HPGDS: variants seen among roughly 807,000 people sequenced by gnomAD.
HPGDS encodes the protein GST class-sigma.
In HPGDS, 26 loss-of-function variants were observed where a neutral mutation model predicts 23.1. That is an observed-to-expected ratio of 1.13 (90% confidence interval 0.83 to 1.56). HPGDS has a LOEUF of 1.56. Ranked by LOEUF, HPGDS falls within the 40% of genes most tolerant of loss-of-function variation. HPGDS has a pLI of 0.00. For missense variants in HPGDS, 268 were observed against 236.4 expected (o/e 1.13, Z -0.88); for synonymous variants, 95 against 77.9 (o/e 1.22, Z -1.16).
intron 3 of HPGDS, among the ~76,000 whole-genome samples, chr4:94,314,624 T>C (rs901416846): frequency 6.6e-6 from 1 of 152,162 alleles, no homozygotes; most frequent in Non-Finnish European, 1.5e-5. Context: ...CATTCTCAGA[T>C]CTCAAGCTGC....
At chr4:94,322,447 A>G (rs971281983) in intron 2 of HPGDS, among the ~76,000 whole-genome samples, 2 of 152,032 alleles carry the variant, frequency 1.3e-5, no homozygotes, top group Non-Finnish European at 1.5e-5. Context: ...AGATCCTGTT[A>G]TTGGTCTATT....
chr4:94,318,874 A>G (rs1231147572), intron 2 of HPGDS, among the ~76,000 whole-genome samples: 3 of 152,054 alleles, frequency 2.0e-5, no homozygotes, highest in Non-Finnish European at 2.9e-5. Context: ...CACCACACCC[A>G]GATAAGTTTT....
intron 2 of HPGDS, among the ~76,000 whole-genome samples, chr4:94,320,395 C>G (rs891160830): frequency 1.3e-5 from 2 of 152,130 alleles, no homozygotes; most frequent in Non-Finnish European, 1.5e-5. Context: ...AAAAGTGTTC[C>G]TATTTCTCCA....
chr4:94,313,463 G>A (rs540492956), intron 3 of HPGDS, among the ~76,000 whole-genome samples: 137 of 152,222 alleles, frequency 9.0e-4, no homozygotes, highest in African/African-American at 3.0e-3. Context: ...TTGAATATTG[G>A]CCCCCACTCT....
intron 2 of HPGDS, chr4:94,334,265 C>T (rs1756784777): frequency 2.8e-6 from 1 of 360,208 alleles, no homozygotes; most frequent in Non-Finnish European, 4.9e-6. Context: ...CTCATATTGT[C>T]TGCTAAAGCT....
chr4:94,303,927 G>A lies in HPGDS; in HGVS notation c.337-1683C>T, dbSNP rs1460714123. On this transcript the variant is annotated intron_variant, in intron 4 of 5. Transcript: ENST00000295256. The stretch of plus-strand genomic sequence containing the variant: ...GTTTGGTGAATTATTTCAGTCTAAT[G>A]AAATGTAAATTAATAAACAGTGTAA... 3 of 152,176 alleles carry A rather than the reference G, an allele frequency of 2.0e-5. No individual in the cohort carries two copies. In the South Asian group the frequency reaches 6.2e-4, roughly 32 times the overall value. 9.4% of individuals were successfully genotyped at this position (152,176 alleles called of 1,614,324 possible).
chr4:94,325,518 G>A lies in HPGDS; in HGVS notation c.134-7553C>T, dbSNP rs532830740. Among the ~76,000 whole-genome samples the A allele has an allele frequency of 5.3e-4, 80 of 152,248 alleles. 1 individual carries two copies. Among genetic ancestry groups the A allele is most frequent in the South Asian group, 4.4e-3 (21 of 4,820 alleles). On this transcript the variant is annotated intron_variant, in intron 2 of 5. Coordinates refer to ENST00000295256, the MANE Select transcript of HPGDS (RefSeq NM_014485.3). ...ACACCCCTCCCCCAGCTAGGCTGCCGCCTTGCAGTTCGATCTCAAACTGCT... is the reference window on the plus strand; with the variant it reads ...ACACCCCTCCCCCAGCTAGGCTGCCACCTTGCAGTTCGATCTCAAACTGCT...
In HPGDS at chr4:94,298,926, AG is replaced by A. The variant is rs1755977839; in HGVS notation, c.*553del. ...TTGATTCATTTTTGTAAAATGTCAA[AG>A]GGATTTATCACTGGGCCACAAGCAG... On this transcript the variant is annotated 3_prime_UTR_variant, in exon 6 of 6. Transcript: ENST00000295256. The A allele has an allele frequency of 6.6e-6, 1 of 152,160 alleles. No individual in the cohort carries two copies. Among genetic ancestry groups the A allele is most frequent in the African/African-American group, 2.4e-5 (1 of 41,428 alleles). 9.4% of individuals were successfully genotyped at this position (152,160 alleles called of 1,614,324 possible).
chr4:94,312,810 C>T (rs1226173595), intron 3 of HPGDS, among the ~76,000 whole-genome samples: 1 of 152,148 alleles, frequency 6.6e-6, no homozygotes, highest in African/African-American at 2.4e-5. Context: ...GTTTATGAAA[C>T]TGGGTGCTCC....
chr4:94,320,284 G>A (rs1472989019), intron 2 of HPGDS, among the ~76,000 whole-genome samples: 1 of 152,100 alleles, frequency 6.6e-6, no homozygotes, highest in African/African-American at 2.4e-5. Flanking sequence ...CCCAGTAATG[G>A]GATCACTGGG....
chr4:94,321,941 A>T (rs544385255), intron 2 of HPGDS, among the ~76,000 whole-genome samples: 33 of 152,290 alleles, frequency 2.2e-4, no homozygotes, highest in African/African-American at 6.3e-4. Context: ...ACATCCCATC[A>T]ATACCTAATT....
intron 5 of HPGDS, among the ~76,000 whole-genome samples, chr4:94,301,526 G>T (rs543856379): frequency 6.6e-6 from 1 of 152,194 alleles, no homozygotes; most frequent in East Asian, 1.9e-4. Flanking sequence ...AAATACATAT[G>T]AGTTTATACT....
At chr4:94,334,728 C>A in intron 1 of HPGDS, 90 bp from the exon 2 acceptor site, 1 of 1,195,772 alleles carries the variant, frequency 8.4e-7, no homozygotes. Flanking sequence ...AACTTTATGG[C>A]ATCTCTTGAG....
chr4:94,337,006 C>A (rs1371643495), intron 1 of HPGDS, among the ~76,000 whole-genome samples: 1 of 152,126 alleles, frequency 6.6e-6, no homozygotes. Flanking sequence ...ACTCTGTCCC[C>A]CAGTCTGGAG....
rs1363212319 is a variant in HPGDS at position 94,298,571 on chromosome 4, C to T, written c.*909G>A. The stretch of plus-strand genomic sequence containing the variant: ...GGCTGAGTCCGAAAAGAGAGTCAGC[C>T]GAGTTTTATGAGTTCTATATAATTT... On this transcript the variant is annotated 3_prime_UTR_variant, in exon 6 of 6. Coordinates refer to ENST00000295256, the MANE Select transcript of HPGDS (RefSeq NM_014485.3). The T allele has an allele frequency of 6.6e-6, 1 of 152,098 alleles. No homozygotes were observed. The highest frequency in any genetic ancestry group is 1.5e-5 in the Non-Finnish European group (1 of 68,050). 9.4% of individuals were successfully genotyped at this position (152,098 alleles called of 1,614,324 possible).
intron 1 of HPGDS, among the ~76,000 whole-genome samples, chr4:94,338,061 T>G (rs1441039123): frequency 6.6e-6 from 1 of 152,224 alleles, no homozygotes; most frequent in Non-Finnish European, 1.5e-5. Flanking sequence ...CATAATTATA[T>G]TTTCTGTTTG....
intron 5 of HPGDS, among the ~76,000 whole-genome samples, chr4:94,300,475 G>C (rs1365020367): frequency 1.3e-5 from 2 of 151,952 alleles, no homozygotes; most frequent in Non-Finnish European, 2.9e-5. Flanking sequence ...TTTTCTTTTT[G>C]TATAGAATTT....
chr4:94,314,262 T>C (rs1318147110), intron 3 of HPGDS, among the ~76,000 whole-genome samples: 1 of 152,206 alleles, frequency 6.6e-6, no homozygotes, highest in African/African-American at 2.4e-5. Context: ...TTCCCCATCT[T>C]TGTGGTTTTA....
rs1048084254 is a variant in HPGDS, at chr4:94,298,816, T to A, written c.*664A>T. 1 of 152,232 alleles carries A rather than the reference T, an allele frequency of 6.6e-6. No individual in the cohort carries two copies. Among genetic ancestry groups the A allele is most frequent in the Non-Finnish European group, 1.5e-5 (1 of 68,032 alleles). The allele number at this position is 152,232 out of a possible 1,614,324, so 9.4% of individuals were successfully genotyped here. Reference sequence around the variant, plus strand: ...CAGTCAGCTCTTTTCTCGATAACTCTTTATATTCAGTTTGAATTTCATTCC... The same window carrying A: ...CAGTCAGCTCTTTTCTCGATAACTCATTATATTCAGTTTGAATTTCATTCC... On this transcript the variant is annotated 3_prime_UTR_variant, in exon 6 of 6. Coordinates refer to ENST00000295256, the MANE Select transcript of HPGDS (RefSeq NM_014485.3).
Sources: allele counts gnomAD v4.1 joint callset (sites outside exome capture counted in the v4.1 genomes callset), GRCh38; gene constraint gnomAD v4.1.1; transcripts MANE v1.5; gene names NCBI Gene and HGNC (gene_info 2026-07-23, HGNC 2026-07-21).